ATP6V0A4: variants seen among roughly 807,000 people sequenced by gnomAD.
ATP6V0A4 encodes the protein V-type proton ATPase 116 kDa subunit a 4.
ATP6V0A4 carries 86 observed loss-of-function variants against 107.3 expected under a neutral mutation model. The observed-to-expected ratio is 0.80, with a 90% confidence interval of 0.67 to 0.96. The LOEUF (loss-of-function observed/expected upper bound fraction) is 0.96, where lower values mean the gene tolerates loss of function less well. ATP6V0A4 is among the 40% of genes least tolerant of loss of function. ATP6V0A4 has a pLI of 0.00. For missense variants in ATP6V0A4, 908 were observed against 1,045.6 expected (o/e 0.87, Z 1.81); for synonymous variants, 353 against 381.4 (o/e 0.93, Z 0.87).
Position 138,722,335 on chromosome 7 carries a change from T to A in ATP6V0A4, c.2011-310A>T, listed in dbSNP as rs959782140. Among the ~76,000 whole-genome samples, 10 of 144,914 alleles carry A rather than the reference T, an allele frequency of 6.9e-5. No homozygotes were observed. The South Asian group carries it at 8.9e-4, about 13-fold the overall frequency. On this transcript the variant is annotated intron_variant, in intron 18 of 21. Transcript: ENST00000310018. ...AGAGAGAGACTCCGTCTCAAAAAAA[T>A]AAATAAATAAAATAAAATAAAAATA...
chr7:138,722,631 G>A (rs916932829), intron 18 of ATP6V0A4, among the ~76,000 whole-genome samples: 4 of 149,348 alleles, frequency 2.7e-5, no homozygotes, highest in African/African-American at 9.9e-5. Context: ...TGTAATCCCA[G>A]CTACCCGGGA....
At chr7:138,720,923 C>T (rs1404579474) in intron 19 of ATP6V0A4, among the ~76,000 whole-genome samples, 1 of 152,174 alleles carries the variant, frequency 6.6e-6, no homozygotes, top group East Asian at 1.9e-4. Context: ...AGGTATGAGC[C>T]ACCACACATG....
At chr7:138,747,688 C>G (rs539798915) in intron 12 of ATP6V0A4, 124 bp from the exon 13 acceptor site, 1 of 1,437,704 alleles carries the variant, frequency 7.0e-7, no homozygotes, top group South Asian at 1.3e-5. Context: ...GTTGTCTTTT[C>G]TCACCATCCC....
At chr7:138,708,679 C>T (rs768299517) in intron 21 of ATP6V0A4, among the ~76,000 whole-genome samples, 17 of 152,290 alleles carry the variant, frequency 1.1e-4, no homozygotes, top group Admixed American at 3.3e-4. Flanking sequence ...TCCAGGGCTC[C>T]CGGTGAGCGT....
chr7:138,747,149 A>C (rs1805990790), intron 13 of ATP6V0A4, among the ~76,000 whole-genome samples: 1 of 152,174 alleles, frequency 6.6e-6, no homozygotes, highest in African/African-American at 2.4e-5. Flanking sequence ...TTTCATAATC[A>C]GGCAAAAACA....
intron 15 of ATP6V0A4, among the ~76,000 whole-genome samples, chr7:138,736,017 G>A (rs1306428907): frequency 6.9e-6 from 1 of 145,400 alleles, no homozygotes; most frequent in Non-Finnish European, 1.5e-5. Context: ...GTGGCGAGCC[G>A]AGATCGCACA....
chr7:138,744,484 C>T (rs984598985), intron 14 of ATP6V0A4, among the ~76,000 whole-genome samples: 26 of 151,238 alleles, frequency 1.7e-4, no homozygotes, highest in Non-Finnish European at 3.1e-4. Context: ...GTGATCCTCC[C>T]GCCTCGGCCT....
rs756480874 is a variant in ATP6V0A4, at chr7:138,747,457, T to C, written c.1288A>G (p.Arg430Gly). The change falls in exon 13 of 22, where the codon AGA (arginine) becomes GGA (glycine). Residue 430 changes from arginine to glycine, a missense_variant. Coordinates refer to ENST00000310018, the MANE Select transcript of ATP6V0A4 (RefSeq NM_020632.3). ...LAALWMILNERRLLSQKTDNE... is the reference protein window; with the variant it reads ...LAALWMILNEGRLLSQKTDNE... ...TCTGTCTTCTGGGAGAGCAAGCGTCTCTCATTCAGAATCATCCAAAGTGCA... is the reference window on the plus strand; with the variant it reads ...TCTGTCTTCTGGGAGAGCAAGCGTCCCTCATTCAGAATCATCCAAAGTGCA... The C allele has an allele frequency of 3.1e-6, 5 of 1,614,038 alleles. No homozygotes were observed. The Admixed American group carries it at 8.3e-5, about 27-fold the overall frequency.
intron 11 of ATP6V0A4, among the ~76,000 whole-genome samples, chr7:138,751,993 T>C (rs1018608207): frequency 3.3e-5 from 5 of 151,806 alleles, no homozygotes; most frequent in Non-Finnish European, 7.4e-5. Flanking sequence ...AGCCTGGGTG[T>C]CATAGCGAGG....
At chr7:138,760,973 T>C (rs1482405493) in intron 7 of ATP6V0A4, among the ~76,000 whole-genome samples, 3 of 152,106 alleles carry the variant, frequency 2.0e-5, no homozygotes, top group Non-Finnish European at 2.9e-5. Context: ...ATTTCTTTTT[T>C]TTATTAAAAT....
chr7:138,728,389 G>A (rs536561617), intron 18 of ATP6V0A4, among the ~76,000 whole-genome samples: 2 of 152,026 alleles, frequency 1.3e-5, no homozygotes, highest in South Asian at 2.1e-4. Flanking sequence ...ACCATGCCTG[G>A]CTAATTTTGG....
chr7:138,760,464 A>AAAAAAT (rs1806754677), intron 7 of ATP6V0A4, among the ~76,000 whole-genome samples: 1 of 151,024 alleles, frequency 6.6e-6, no homozygotes, highest in African/African-American at 2.4e-5. Context: ...AAAAAAAAAA[A>AAAAAAT]GAATATGATA....
rs1803631104 is a variant in ATP6V0A4, at chr7:138,709,629, C to T, written c.2424G>A (p.Leu808=). The change falls in exon 21 of 22, where the codon CTG becomes CTA. Residue 808 remains leucine (L), a synonymous_variant. Transcript: ENST00000310018. ...CAGGGGACAACCATCCTTACCAGTG[C>T]AGTCGCAGGGCGTGCAGGAAAGCAG... ...GLSAFLHALR[L]HWVEFQNKFY... is the part of the protein sequence containing the mutation. 7.4e-6 allele frequency: 12 copies of T among 1,612,358 alleles called. No individual in the cohort carries two copies. The highest frequency in any genetic ancestry group is 1.3e-5 in the African/African-American group (1 of 74,940).
At chr7:138,714,788 A>G (rs928194693) in intron 20 of ATP6V0A4, among the ~76,000 whole-genome samples, 2 of 152,148 alleles carry the variant, frequency 1.3e-5, no homozygotes, top group East Asian at 1.9e-4. Flanking sequence ...GCCTGAAAAA[A>G]TATGTTCCCC....
At chr7:138,718,767 C>G (rs1003703752) in intron 19 of ATP6V0A4, among the ~76,000 whole-genome samples, 1 of 146,390 alleles carries the variant, frequency 6.8e-6, no homozygotes, top group African/African-American at 2.6e-5. Context: ...GTTATGGGGA[C>G]AAGATAAAAA....
rs1803648715 is a variant in ATP6V0A4 at position 138,709,871 on chromosome 7, A to G, written c.2258-76T>C. ...TTTATTGTATTTTCTCATCTTTTTAATTAAAAATATATATATATTTTAAAT... is the reference window on the plus strand; with the variant it reads ...TTTATTGTATTTTCTCATCTTTTTAGTTAAAAATATATATATATTTTAAAT... On this transcript the variant is annotated intron_variant, in intron 20 of 21. Transcript: ENST00000310018. 64 of 1,454,260 alleles carry G rather than the reference A, an allele frequency of 4.4e-5. No homozygotes were observed. In the South Asian group the frequency reaches 8.1e-4, roughly 18 times the overall value. 90.1% of individuals were successfully genotyped at this position (1,454,260 alleles called of 1,614,324 possible).
rs563573644 is a variant in ATP6V0A4, at chr7:138,741,530, C to T, written c.1479-1897G>A. ...CATAAGCAACTTCATAGAACAGCAA[C>T]ATCAGGCAAGGCCACCTGGCGACTA... On this transcript the variant is annotated intron_variant, in intron 14 of 21. Coordinates refer to ENST00000310018, the MANE Select transcript of ATP6V0A4 (RefSeq NM_020632.3). 1.1e-3 allele frequency among the ~76,000 whole-genome samples: 172 copies of T among 152,308 alleles called. 1 individual carries two copies. Among genetic ancestry groups the T allele is most frequent in the African/African-American group, 4.0e-3 (168 of 41,562 alleles).
intron 6 of ATP6V0A4, 130 bp downstream of exon 6, chr7:138,762,770 C>T: frequency 3.5e-6 from 4 of 1,132,600 alleles, no homozygotes; most frequent in Non-Finnish European, 5.4e-6. Context: ...ACTCCCCCGC[C>T]CTCACCAATG....
chr7:138,738,441 C>T (rs1394463085), intron 15 of ATP6V0A4, among the ~76,000 whole-genome samples: 1 of 152,176 alleles, frequency 6.6e-6, no homozygotes, highest in South Asian at 2.1e-4. Context: ...GAAGATCAAC[C>T]AGACCCTAAG....
Sources: allele counts gnomAD v4.1 joint callset (sites outside exome capture counted in the v4.1 genomes callset), GRCh38; gene constraint gnomAD v4.1.1; transcripts MANE v1.5; gene names NCBI Gene and HGNC (gene_info 2026-07-23, HGNC 2026-07-21).